Variants in DUSP11 observed in about 807,000 individuals in gnomAD.
DUSP11 encodes the protein dual specificity phosphatase 11, also known as RNA/RNP complex-1-interacting phosphatase.
In DUSP11, 27 loss-of-function variants were observed where a neutral mutation model predicts 41.4. That is an observed-to-expected ratio of 0.65 (90% CI 0.48 to 0.90). DUSP11 has a LOEUF of 0.90. DUSP11 is among the 40% of genes least tolerant of loss of function. The pLI is 0.00. For missense variants in DUSP11, 465 were observed against 461.1 expected, an observed-to-expected ratio of 1.01 and a Z score of -0.08; for synonymous variants, 188 against 159.3, an observed-to-expected ratio of 1.18 and a Z score of -1.35.
intron 8 of DUSP11, 24 bp from the exon 9 acceptor site, chr2:73,762,883 A>C: frequency 7.9e-7 from 1 of 1,264,044 alleles, no homozygotes; most frequent in Non-Finnish European, 1.1e-6. Context: ...AAAAAGTAAT[A>C]AGCCATTACT....
Position 73,774,067 on chromosome 2 carries a change from G to A in DUSP11, c.451-144C>T, listed in dbSNP as rs539722822. On this transcript the variant is annotated intron_variant, in intron 3 of 8. Transcript: ENST00000272444. The stretch of plus-strand genomic sequence containing the variant: ...CAGTATACACAATTCTGATAAAAGA[G>A]CCATTTTTTCCAACACTGCTTCAAC... 49 of 601,996 alleles carry A rather than the reference G, an allele frequency of 8.1e-5. No individual in the cohort carries two copies. In the African/African-American group the frequency reaches 8.7e-4, roughly 11 times the overall value. 37.3% of individuals were successfully genotyped at this position (601,996 alleles called of 1,614,324 possible).
exon 8 of DUSP11, chr2:73,766,573 G>T: frequency 6.2e-7 from 1 of 1,608,324 alleles, no homozygotes; most frequent in Non-Finnish European, 8.5e-7. Flanking sequence ...CACTTGACCT[G>T]GGTACACTGG....
rs1317353026 is a variant in DUSP11 at position 73,769,248 on chromosome 2, T to C, written c.635+17A>G. 7 of 1,607,884 alleles carry C rather than the reference T, an allele frequency of 4.4e-6. No homozygotes were observed. The highest frequency in any genetic ancestry group is 1.3e-5 in the African/African-American group (1 of 74,880). On this transcript the variant is annotated intron_variant, in intron 5 of 8. Transcript: ENST00000272444. Reference sequence around the variant, plus strand: ...AAAACAATTTAAAATGGTCTGCCTCTGGGGTTGGCAACTTACCTGCAAATG... The same window carrying C: ...AAAACAATTTAAAATGGTCTGCCTCCGGGGTTGGCAACTTACCTGCAAATG...
In DUSP11 at chr2:73,778,384, A is replaced by G. The variant is rs372146613; in HGVS notation, c.243-8T>C. 10 of 1,501,502 alleles carry G rather than the reference A, an allele frequency of 6.7e-6. No homozygotes were observed. In the African/African-American group the frequency reaches 1.2e-4, roughly 17 times the overall value. The allele number at this position is 1,501,502 out of a possible 1,614,324, so 93.0% of individuals were successfully genotyped here. A position where few individuals can be genotyped will look rare whatever the true frequency, so the allele number is the denominator to read the frequency against. ...GGGAGATAGTCTTTCCACCTATTAG[A>G]TATATTTTTTGTTAGCCAAATTGTA... On this transcript the variant is annotated splice_region_variant and splice_polypyrimidine_tract_variant and intron_variant, in intron 1 of 8. Transcript: ENST00000272444.
At chr2:73,769,035 A>T in intron 5 of DUSP11, 2 of 404,592 alleles carry the variant, frequency 4.9e-6, no homozygotes, top group Non-Finnish European at 8.7e-6. Flanking sequence ...ATTAAAAAAC[A>T]GAATGTCTAA....
intron 4 of DUSP11, 30 bp from the exon 5 acceptor site, chr2:73,769,355 C>T (rs571421924): frequency 1.1e-5 from 16 of 1,486,110 alleles, no homozygotes; most frequent in Non-Finnish European, 1.5e-5. Flanking sequence ...GGTTAAGTAA[C>T]TGAAGTAGAT....
At chr2:73,767,016 T>C (rs976541524) in intron 6 of DUSP11, 113 bp from the exon 7 acceptor site, 14 of 1,209,748 alleles carry the variant, frequency 1.2e-5, no homozygotes, top group South Asian at 2.5e-5. Context: ...TACTTCCACA[T>C]ACATCTATAG....
intron 2 of DUSP11, 126 bp downstream of exon 2, chr2:73,778,175 A>G (rs1672719790): frequency 3.7e-6 from 2 of 543,836 alleles, no homozygotes; most frequent in Non-Finnish European, 6.3e-6. Context: ...TCATTTCAGG[A>G]TAGTAAAGGG....
chr2:73,767,537 GTATT>G (rs1463091851), intron 5 of DUSP11: 2 of 185,030 alleles, frequency 1.1e-5, no homozygotes, highest in African/African-American at 2.4e-5. Context: ...ATATGACAGA[GTATT>G]TATCAGAAAC....
chr2:73,762,856 T>C (rs1272412298), exon 9 of DUSP11: 1 of 1,564,480 alleles, frequency 6.4e-7, no homozygotes, highest in Non-Finnish European at 8.7e-7. Flanking sequence ...TCTCTGAAAA[T>C]TTTCTTAAAG....
At chr2:73,769,154 C>A in intron 5 of DUSP11, 111 bp downstream of exon 5, 1 of 834,272 alleles carries the variant, frequency 1.2e-6, no homozygotes, top group South Asian at 1.7e-5. Context: ...AGCAAGACTG[C>A]CTTCTACTTC....
exon 1 of DUSP11, chr2:73,780,051 G>T (rs574278061): frequency 6.2e-7 from 1 of 1,612,000 alleles, no homozygotes; most frequent in East Asian, 2.2e-5. Flanking sequence ...GCCAGGATAA[G>T]ACCCTAAACA....
intron 3 of DUSP11, among the ~76,000 whole-genome samples, chr2:73,774,549 C>G (rs966193565): frequency 6.6e-6 from 1 of 152,210 alleles, no homozygotes; most frequent in African/African-American, 2.4e-5. Context: ...ATTCCCTTTT[C>G]TCCCCACCTC....
Position 73,768,354 on chromosome 2 carries a change from C to T in DUSP11, c.635+911G>A, listed in dbSNP as rs1441543199. 10 of 605,992 alleles carry T rather than the reference C, an allele frequency of 1.7e-5. No individual in the cohort carries two copies. The South Asian group carries it at 2.2e-4, about 13-fold the overall frequency. The allele number at this position is 605,992 out of a possible 1,614,324, so 37.5% of individuals were successfully genotyped here. A position where few individuals can be genotyped will look rare whatever the true frequency, so the allele number is the denominator to read the frequency against. On this transcript the variant is annotated intron_variant, in intron 5 of 8. Coordinates refer to ENST00000272444, the Ensembl canonical transcript of DUSP11. ...CTACTCCCTCCCTAGACTGTTAGGA[C>T]GCACAAAGGGCAGCTAAAGTCTCTT...
chr2:73,763,984 C>A (rs1456795077), intron 8 of DUSP11, among the ~76,000 whole-genome samples: 1 of 152,178 alleles, frequency 6.6e-6, no homozygotes, highest in African/African-American at 2.4e-5. Flanking sequence ...ATAGCAGCTA[C>A]AAGTTTTTCC....
In DUSP11 at chr2:73,774,902, G is replaced by A; in HGVS notation, c.450+11C>T. On this transcript the variant is annotated intron_variant, in intron 3 of 8. Transcript: ENST00000272444. ...GGAAGAAAGTTCTTTTCATTGAAGGGTTCCACTTACCTCTGGTTTATAATA... is the reference window on the plus strand; with the variant it reads ...GGAAGAAAGTTCTTTTCATTGAAGGATTCCACTTACCTCTGGTTTATAATA... 6.5e-7 allele frequency: 1 copy of A among 1,530,734 alleles called. No homozygotes were observed. The highest frequency in any genetic ancestry group is 8.8e-7 in the Non-Finnish European group (1 of 1,136,448). The allele number at this position is 1,530,734 out of a possible 1,614,324, so 94.8% of individuals were successfully genotyped here.
At chr2:73,776,130 T>G (rs1428237429) in intron 2 of DUSP11, among the ~76,000 whole-genome samples, 1 of 151,860 alleles carries the variant, frequency 6.6e-6, no homozygotes, top group East Asian at 1.9e-4. Context: ...AATAGACTAG[T>G]TTGGCTGGGT....
chr2:73,769,860 G>T (rs1672538738), intron 4 of DUSP11, among the ~76,000 whole-genome samples: 1 of 152,194 alleles, frequency 6.6e-6, no homozygotes, highest in South Asian at 2.1e-4. Flanking sequence ...AAAAGGCAAG[G>T]CTTGGAGATG....
chr2:73,779,748 C>G, intron 1 of DUSP11, 126 bp downstream of exon 1: 1 of 1,466,918 alleles, frequency 6.8e-7, no homozygotes, highest in Non-Finnish European at 9.2e-7. Context: ...GTCAAAGCCT[C>G]AAAGCAAGCG....
Sources: allele counts gnomAD v4.1 joint callset (sites outside exome capture counted in the v4.1 genomes callset), GRCh38; gene constraint gnomAD v4.1.1; transcripts MANE v1.5; gene names NCBI Gene and HGNC (gene_info 2026-07-23, HGNC 2026-07-21).